Variants in ARHGEF3 observed in about 807,000 individuals in gnomAD.
The protein encoded by ARHGEF3 is Rho guanine nucleotide exchange factor 3.
A neutral mutation model predicts 63.2 loss-of-function variants in ARHGEF3; 28 were observed. The observed-to-expected ratio is 0.44, with a 90% CI of 0.33 to 0.61. The LOEUF (loss-of-function observed/expected upper bound fraction) is 0.61. ARHGEF3 is among the 20% of genes least tolerant of loss of function. The pLI, the probability that ARHGEF3 is intolerant of heterozygous loss-of-function variation, is 0.03. For synonymous variants in ARHGEF3, 266 were observed against 254.2 expected (o/e 1.05, Z -0.44); for missense variants, 533 against 659.3 (o/e 0.81, Z 2.10).
At chr3:56,743,373 C>T (rs1288123448) in intron 7 of ARHGEF3, among the ~76,000 whole-genome samples, 1 of 152,218 alleles carries the variant, frequency 6.6e-6, no homozygotes, top group Non-Finnish European at 1.5e-5. Context: ...AGTGGGCAGG[C>T]TTTCTGCATC....
chr3:57,049,310 C>T (rs1272182218), intron 1 of ARHGEF3, among the ~76,000 whole-genome samples: 2 of 152,022 alleles, frequency 1.3e-5, no homozygotes, highest in East Asian at 3.9e-4. Context: ...CCGAGGTTGC[C>T]GTAGGCTATG....
chr3:56,893,147 G>A (rs925354392), intron 3 of ARHGEF3, among the ~76,000 whole-genome samples: 4 of 152,140 alleles, frequency 2.6e-5, no homozygotes, highest in Non-Finnish European at 5.9e-5. Context: ...GGCTGCTTAA[G>A]GTAGTCCCTT....
chr3:56,929,916 G>T (rs1335473992), intron 3 of ARHGEF3, among the ~76,000 whole-genome samples: 2 of 152,116 alleles, frequency 1.3e-5, no homozygotes, highest in Admixed American at 6.6e-5. Context: ...TAAAAAACCT[G>T]AAGCCCCAAA....
chr3:56,913,975 A>G (rs1267004516), intron 3 of ARHGEF3, among the ~76,000 whole-genome samples: 1 of 152,250 alleles, frequency 6.6e-6, no homozygotes, highest in Non-Finnish European at 1.5e-5. Flanking sequence ...ACGGCATTGC[A>G]GCAACCTGGA....
intron 2 of ARHGEF3, among the ~76,000 whole-genome samples, chr3:56,983,286 A>G (rs1035391089): frequency 2.6e-5 from 4 of 152,144 alleles, no homozygotes; most frequent in Admixed American, 2.6e-4. Context: ...TATTTCCACA[A>G]GTGACCATGG....
chr3:56,948,671 T>A (rs548650767), intron 3 of ARHGEF3, among the ~76,000 whole-genome samples: 8 of 152,118 alleles, frequency 5.3e-5, no homozygotes, highest in African/African-American at 1.9e-4. Flanking sequence ...CAGGACCAGA[T>A]GGATTCACAG....
At chr3:56,794,382 G>T (rs1478418895) in intron 1 of ARHGEF3, among the ~76,000 whole-genome samples, 5 of 151,524 alleles carry the variant, frequency 3.3e-5, no homozygotes, top group African/African-American at 1.2e-4. Context: ...CAGCTACTCG[G>T]GAGGCTCAGA....
intron 2 of ARHGEF3, among the ~76,000 whole-genome samples, chr3:56,982,701 A>C (rs1172223891): frequency 6.6e-6 from 1 of 152,180 alleles, no homozygotes; most frequent in Non-Finnish European, 1.5e-5. Context: ...TGAATGAATG[A>C]ATGAGGAAAT....
At chr3:56,762,048 G>A (rs781058376) in intron 2 of ARHGEF3, among the ~76,000 whole-genome samples, 6 of 152,092 alleles carry the variant, frequency 3.9e-5, no homozygotes, top group African/African-American at 9.7e-5. Flanking sequence ...AGGATATTTC[G>A]CATCATCTTT....
Position 56,801,866 on chromosome 3 carries a change from A to G in ARHGEF3, c.-68T>C. Reference sequence around the variant, plus strand: ...TAGGCGACTACAAAACTCCCAGGCAAAAGGGGGCCCCAGCTCCACGATGCC... The same window carrying G: ...TAGGCGACTACAAAACTCCCAGGCAGAAGGGGGCCCCAGCTCCACGATGCC... On this transcript the variant is annotated 5_prime_UTR_variant, in exon 1 of 10. Coordinates refer to ENST00000296315, the MANE Select transcript of ARHGEF3 (RefSeq NM_019555.3). The G allele has an allele frequency of 6.4e-7, 1 of 1,550,800 alleles. No individual in the cohort carries two copies. Among genetic ancestry groups the G allele is most frequent in the Non-Finnish European group, 8.7e-7 (1 of 1,146,758 alleles).
chr3:56,834,481 G>A (rs1490925528), intron 4 of ARHGEF3, among the ~76,000 whole-genome samples: 1 of 152,046 alleles, frequency 6.6e-6, no homozygotes, highest in Non-Finnish European at 1.5e-5. Flanking sequence ...TAATAAGGTC[G>A]TGGTCGGGCC....
chr3:56,921,054 CAAA>C (rs34087284), intron 3 of ARHGEF3, among the ~76,000 whole-genome samples: 12,788 of 59,668 alleles, frequency 0.21, 509 homozygotes, highest in East Asian at 0.34. Context: ...GACTCCATCT[CAAA>C]AAAAAAAAAA....
chr3:56,840,022 T>C (rs1018235204), intron 4 of ARHGEF3, among the ~76,000 whole-genome samples: 2 of 152,184 alleles, frequency 1.3e-5, no homozygotes, highest in Non-Finnish European at 2.9e-5. Context: ...TGTCATCCTC[T>C]GCATTTTCCT....
intron 3 of ARHGEF3, among the ~76,000 whole-genome samples, chr3:56,897,103 T>C (rs551745804): frequency 3.9e-5 from 6 of 152,332 alleles, no homozygotes; most frequent in African/African-American, 1.4e-4. Flanking sequence ...GGGAAGAGCT[T>C]TCCATTCTCC....
intron 8 of ARHGEF3, among the ~76,000 whole-genome samples, chr3:56,732,706 A>G (rs548541888): frequency 2.6e-5 from 4 of 152,288 alleles, no homozygotes; most frequent in African/African-American, 7.2e-5. Context: ...TGGGGGCCCT[A>G]TTCACATTGC....
At chr3:56,846,183 C>A (rs1320340740) in intron 4 of ARHGEF3, among the ~76,000 whole-genome samples, 1 of 152,192 alleles carries the variant, frequency 6.6e-6, no homozygotes, top group African/African-American at 2.4e-5. Flanking sequence ...CATAACAATT[C>A]CTTCTTCACT....
chr3:56,764,867 G>A (rs1311002431), intron 2 of ARHGEF3, among the ~76,000 whole-genome samples: 4 of 150,750 alleles, frequency 2.7e-5, no homozygotes, highest in Non-Finnish European at 4.4e-5. Context: ...AGCAATTCTC[G>A]TGCCTCAGCC....
intron 2 of ARHGEF3, among the ~76,000 whole-genome samples, chr3:56,757,239 G>A (rs1263230661): frequency 1.3e-5 from 2 of 152,330 alleles, no homozygotes; most frequent in African/African-American, 4.8e-5. Flanking sequence ...TTGGGAAGCC[G>A]AGGTGGGTGG....
intron 2 of ARHGEF3, among the ~76,000 whole-genome samples, chr3:57,033,802 T>C (rs1305147542): frequency 1.3e-5 from 2 of 152,126 alleles, no homozygotes; most frequent in African/African-American, 4.8e-5. Context: ...CCCAGCACTT[T>C]GGGAGGCTGA....
Sources: gnomAD v4.1 joint callset for allele counts (sites outside exome capture counted in the v4.1 genomes callset) on GRCh38, gnomAD v4.1.1 for gene constraint, MANE v1.5 for transcripts, NCBI Gene and HGNC (gene_info 2026-07-23, HGNC 2026-07-21) for gene names.